Variants in DNER observed in about 807,000 individuals in gnomAD.
DNER encodes the protein delta/notch like EGF repeat containing.
Under a neutral mutation model 78.2 loss-of-function variants are expected in DNER, and 33 were observed. The observed-to-expected ratio is 0.42, with a 90% CI of 0.32 to 0.56. The LOEUF (loss-of-function observed/expected upper bound fraction) is 0.56. DNER is among the 20% of genes least tolerant of loss of function. The pLI is 0.11. For synonymous variants in DNER, 417 were observed against 384.8 expected (o/e 1.08, Z -0.98); for missense variants, 918 against 975.3 (o/e 0.94, Z 0.78).
At chr2:229,449,013 C>T (rs1694397410) in intron 7 of DNER, among the ~76,000 whole-genome samples, 1 of 152,112 alleles carries the variant, frequency 6.6e-6, no homozygotes, top group Non-Finnish European at 1.5e-5. Context: ...TTGGCATAAT[C>T]AACTTGGTAT....
intron 4 of DNER, chr2:229,580,076 C>G (rs1034161347): frequency 6.9e-6 from 1 of 144,960 alleles, no homozygotes; most frequent in South Asian, 2.1e-4. Flanking sequence ...ATTTTCAAAA[C>G]AAGAATCTTT....
At chr2:229,554,902 GA>G (rs1234464500) in intron 4 of DNER, among the ~76,000 whole-genome samples, 25 of 87,136 alleles carry the variant, frequency 2.9e-4, no homozygotes, top group African/African-American at 6.7e-4. Flanking sequence ...GAAGAGAAGA[GA>G]AGAGAAGAGA....
At chr2:229,444,197 A>T (rs1694293468) in intron 8 of DNER, among the ~76,000 whole-genome samples, 1 of 152,238 alleles carries the variant, frequency 6.6e-6, no homozygotes, top group Non-Finnish European at 1.5e-5. Flanking sequence ...GAAATTAAAC[A>T]GGAGTGATTT....
intron 8 of DNER, among the ~76,000 whole-genome samples, chr2:229,430,687 A>AATTAT (rs138169802): frequency 6.9e-6 from 1 of 144,594 alleles, no homozygotes; most frequent in Non-Finnish European, 1.5e-5. Context: ...ATACTTAGTA[A>AATTAT]ATATATATAT....
chr2:229,689,304 C>T (rs1699532252), intron 1 of DNER, among the ~76,000 whole-genome samples: 1 of 152,186 alleles, frequency 6.6e-6, no homozygotes, highest in African/African-American at 2.4e-5. Context: ...TCTCCCAAAG[C>T]TGCTGAGCAG....
chr2:229,505,010 A>G (rs1228767392), intron 6 of DNER, among the ~76,000 whole-genome samples: 2 of 152,230 alleles, frequency 1.3e-5, no homozygotes, highest in African/African-American at 2.4e-5. Flanking sequence ...CTTTGCCTTC[A>G]GCAGTACTGT....
chr2:229,428,671 G>A (rs1345640478), intron 8 of DNER, among the ~76,000 whole-genome samples: 3 of 145,054 alleles, frequency 2.1e-5, no homozygotes, highest in Non-Finnish European at 4.5e-5. Context: ...GAAGTGATTT[G>A]AAAAAAAAAA....
intron 12 of DNER, among the ~76,000 whole-genome samples, chr2:229,365,799 A>G (rs915940312): frequency 6.6e-6 from 1 of 152,040 alleles, no homozygotes; most frequent in African/African-American, 2.4e-5. Context: ...TATAGCACCC[A>G]TTTCCCTTGA....
intron 12 of DNER, among the ~76,000 whole-genome samples, chr2:229,360,754 A>G (rs1022416217): frequency 5.3e-5 from 8 of 152,226 alleles, no homozygotes; most frequent in African/African-American, 1.9e-4. Flanking sequence ...AGTGAGCCAC[A>G]TGGCCACCTA....
chr2:229,662,090 T>C (rs1699018893), intron 1 of DNER, among the ~76,000 whole-genome samples: 2 of 152,220 alleles, frequency 1.3e-5, no homozygotes, highest in Non-Finnish European at 2.9e-5. Flanking sequence ...AATTTAGTCA[T>C]ATTTGTGTCA....
At chr2:229,527,274 A>C (rs1454301873) in intron 5 of DNER, among the ~76,000 whole-genome samples, 2 of 152,114 alleles carry the variant, frequency 1.3e-5, no homozygotes, top group African/African-American at 4.8e-5. Flanking sequence ...TGAAACCCAG[A>C]CATGAGATTC....
At chr2:229,528,589 T>C (rs1696247993) in intron 5 of DNER, among the ~76,000 whole-genome samples, 1 of 152,194 alleles carries the variant, frequency 6.6e-6, no homozygotes, top group African/African-American at 2.4e-5. Flanking sequence ...TACCCGCAAG[T>C]CTGCTGGCTT....
At chr2:229,615,265 G>A (rs900896031) in intron 1 of DNER, among the ~76,000 whole-genome samples, 1 of 151,698 alleles carries the variant, frequency 6.6e-6, no homozygotes, top group Non-Finnish European at 1.5e-5. Context: ...TACAAAATTA[G>A]CCAGGCGTGG....
chr2:229,701,339 A>C (rs1174715435), intron 1 of DNER, among the ~76,000 whole-genome samples: 12 of 152,258 alleles, frequency 7.9e-5, no homozygotes, highest in African/African-American at 2.7e-4. Flanking sequence ...AAAGCTGGGA[A>C]TTGGGCCTTT....
intron 10 of DNER, 59 bp from the exon 11 acceptor site, chr2:229,388,455 T>C: frequency 6.6e-7 from 1 of 1,518,828 alleles, no homozygotes; most frequent in East Asian, 2.4e-5. Context: ...CTGTCATTTT[T>C]CTGGCCAAAA....
chr2:229,575,666 C>G (rs1392499915), intron 4 of DNER, among the ~76,000 whole-genome samples: 1 of 152,094 alleles, frequency 6.6e-6, no homozygotes, highest in Non-Finnish European at 1.5e-5. Context: ...GAAGCCCATC[C>G]CAGCAGGGCC....
intron 11 of DNER, among the ~76,000 whole-genome samples, chr2:229,376,924 A>G (rs1692616567): frequency 6.6e-6 from 1 of 152,340 alleles, no homozygotes; most frequent in South Asian, 2.1e-4. Context: ...CCCATATAAT[A>G]TAATCATTTG....
chr2:229,488,786 C>G (rs541630113), intron 6 of DNER, among the ~76,000 whole-genome samples: 2 of 152,356 alleles, frequency 1.3e-5, no homozygotes, highest in Admixed American at 6.5e-5. Context: ...TCCAACCTGG[C>G]TCCCCTGAGC....
At chr2:229,540,758 G>A (rs947802265) in intron 5 of DNER, among the ~76,000 whole-genome samples, 11 of 152,344 alleles carry the variant, frequency 7.2e-5, no homozygotes, top group African/African-American at 2.2e-4. Context: ...GCTTCTCTCA[G>A]AGATAGGCCC....
Sources: allele counts gnomAD v4.1 joint callset (sites outside exome capture counted in the v4.1 genomes callset), GRCh38; gene constraint gnomAD v4.1.1; transcripts MANE v1.5; gene names NCBI Gene and HGNC (gene_info 2026-07-23, HGNC 2026-07-21).